NECTIN1: variants seen among roughly 807,000 people sequenced by gnomAD.
The protein encoded by NECTIN1 is nectin cell adhesion molecule 1.
NECTIN1 carries 23 observed loss-of-function variants against 48.0 expected under a neutral mutation model. The ratio of observed to expected loss-of-function variants is 0.48; its 90% CI spans 0.34 to 0.68. The LOEUF (loss-of-function observed/expected upper bound fraction) is 0.68. NECTIN1 is among the 30% of genes least tolerant of loss of function. The pLI, the probability that NECTIN1 is intolerant of heterozygous loss-of-function variation, is 0.01. For missense variants in NECTIN1, 591 were observed against 709.9 expected, an observed-to-expected ratio of 0.83 and a Z score of 1.90; for synonymous variants, 270 against 288.9, an observed-to-expected ratio of 0.93 and a Z score of 0.66.
At chr11:119,700,775 G>A (rs2135570524) in intron 1 of NECTIN1, among the ~76,000 whole-genome samples, 1 of 152,362 alleles carries the variant, frequency 6.6e-6, no homozygotes, top group East Asian at 1.9e-4. Flanking sequence ...GTTGAGAGGT[G>A]CTTCTTAGAG....
intron 6 of NECTIN1, among the ~76,000 whole-genome samples, chr11:119,639,188 C>T (rs772480638): frequency 3.9e-5 from 6 of 152,014 alleles, no homozygotes; most frequent in South Asian, 2.1e-4. Context: ...TTAGCCAGCA[C>T]GGGAAATAAC....
intron 1 of NECTIN1, among the ~76,000 whole-genome samples, chr11:119,698,596 C>T (rs1565396405): frequency 1.3e-5 from 2 of 152,164 alleles, no homozygotes. Flanking sequence ...AGAGGGAGTT[C>T]GCATGGTGGA....
At chr11:119,698,450 C>G (rs1204414556) in intron 1 of NECTIN1, among the ~76,000 whole-genome samples, 1 of 152,264 alleles carries the variant, frequency 6.6e-6, no homozygotes, top group Non-Finnish European at 1.5e-5. Context: ...GAAGTTCTTC[C>G]TGATATCTAC....
At chr11:119,645,348 A>G (rs770784509) in intron 5 of NECTIN1, among the ~76,000 whole-genome samples, 6 of 152,162 alleles carry the variant, frequency 3.9e-5, no homozygotes, top group Admixed American at 6.5e-5. Context: ...GGTCTGGGGC[A>G]GACTCCAGCG....
At chr11:119,652,265 T>A (rs1012794099) in intron 5 of NECTIN1, among the ~76,000 whole-genome samples, 4 of 152,176 alleles carry the variant, frequency 2.6e-5, no homozygotes, top group African/African-American at 7.2e-5. Context: ...CGAGGCCTCA[T>A]GCCAATCACT....
chr11:119,705,741 G>A (rs987262349), intron 1 of NECTIN1, among the ~76,000 whole-genome samples: 11 of 152,346 alleles, frequency 7.2e-5, no homozygotes, highest in Non-Finnish European at 1.0e-4. Context: ...AGGAGGGAGC[G>A]CAGGCCGGGA....
Position 119,663,394 on chromosome 11 carries a change from A to C in NECTIN1, c.*1353T>G, listed in dbSNP as rs1429501375. 3.3e-5 allele frequency: 33 copies of C among 985,366 alleles called. No individual in the cohort carries two copies. Among genetic ancestry groups the C allele is most frequent in the Non-Finnish European group, 3.6e-5 (30 of 829,960 alleles). 61.0% of individuals were successfully genotyped at this position (985,366 alleles called of 1,614,324 possible). On this transcript the variant is annotated 3_prime_UTR_variant, in exon 6 of 6. Transcript: ENST00000264025. Reference sequence around the variant, plus strand: ...ACTCAATGTCCCATTCAAGAAGGGAATCTGCACTGAAAGGGAGGGCTTCTC... The same window carrying C: ...ACTCAATGTCCCATTCAAGAAGGGACTCTGCACTGAAAGGGAGGGCTTCTC...
chr11:119,645,819 G>T (rs1052868096), intron 5 of NECTIN1, among the ~76,000 whole-genome samples: 1 of 152,160 alleles, frequency 6.6e-6, no homozygotes. Context: ...CATACAGGAG[G>T]GAACTCTTTC....
intron 1 of NECTIN1, among the ~76,000 whole-genome samples, chr11:119,719,320 G>C (rs1377404887): frequency 6.6e-6 from 1 of 152,172 alleles, no homozygotes; most frequent in Non-Finnish European, 1.5e-5. Flanking sequence ...AGTCTTGTGA[G>C]GACTCCAGGC....
intron 1 of NECTIN1, among the ~76,000 whole-genome samples, chr11:119,698,436 T>G (rs1341683375): frequency 2.0e-5 from 3 of 152,262 alleles, no homozygotes; most frequent in African/African-American, 4.8e-5. Context: ...CCCTGAGTAG[T>G]GGAGAAGTTC....
intron 5 of NECTIN1, among the ~76,000 whole-genome samples, chr11:119,647,180 T>C (rs915604307): frequency 0.01 from 1,146 of 112,332 alleles, 27 homozygotes; most frequent in African/African-American, 0.032. Context: ...TGTGTGTGTG[T>C]GTGTGTGTGT....
chr11:119,689,305 C>T (rs1865212586), intron 1 of NECTIN1, among the ~76,000 whole-genome samples: 1 of 152,214 alleles, frequency 6.6e-6, no homozygotes, highest in African/African-American at 2.4e-5. Context: ...GTGGTTCCAG[C>T]CTCGCAGCCT....
intron 1 of NECTIN1, among the ~76,000 whole-genome samples, chr11:119,695,205 CG>C (rs1565395166): frequency 6.6e-6 from 1 of 152,058 alleles, no homozygotes; most frequent in African/African-American, 2.4e-5. Context: ...CACAAGTCCC[CG>C]GTCGCTCTCC....
chr11:119,718,198 T>G (rs181822981), intron 1 of NECTIN1, among the ~76,000 whole-genome samples: 2 of 152,194 alleles, frequency 1.3e-5, no homozygotes, highest in Non-Finnish European at 2.9e-5. Flanking sequence ...GCACAGGGAC[T>G]GTCTGAAGTC....
intron 1 of NECTIN1, among the ~76,000 whole-genome samples, chr11:119,679,576 C>G (rs1865024217): frequency 6.6e-6 from 1 of 152,218 alleles, no homozygotes; most frequent in Admixed American, 6.5e-5. Context: ...CCACATCTCT[C>G]CATCAGCCAC....
intron 4 of NECTIN1, among the ~76,000 whole-genome samples, chr11:119,676,548 G>A (rs1028412432): frequency 2.0e-5 from 3 of 152,186 alleles, no homozygotes; most frequent in African/African-American, 4.8e-5. Flanking sequence ...TGTCAGAGCC[G>A]GCTGGAGGGG....
At chr11:119,671,913 C>T (rs1235567895) in intron 5 of NECTIN1, among the ~76,000 whole-genome samples, 17 of 152,230 alleles carry the variant, frequency 1.1e-4, no homozygotes, top group Non-Finnish European at 2.9e-5. Context: ...GGCACAGCCA[C>T]GGGCTCCCAC....
chr11:119,672,998 A>C lies in NECTIN1; in HGVS notation c.1003+2161T>G, dbSNP rs369224932. Among the ~76,000 whole-genome samples, 1 of 152,346 alleles carries C rather than the reference A, an allele frequency of 6.6e-6. No homozygotes were observed. Among genetic ancestry groups the C allele is most frequent in the East Asian group, 1.9e-4 (1 of 5,174 alleles). On this transcript the variant is annotated intron_variant, in intron 5 of 5. Coordinates refer to ENST00000264025, the MANE Select transcript of NECTIN1 (RefSeq NM_002855.5). This position sits in a 1 kb window ranked among gnomAD's most constrained non-coding sequence, Gnocchi z 4.3. ...CTCATTTCCCTTTCCAGATGTGCCC[A>C]GGGTAAAGTTATTACCCGAACGAAT... is the stretch of plus-strand genomic sequence containing the variant.
chr11:119,711,099 C>T (rs548731414), intron 1 of NECTIN1, among the ~76,000 whole-genome samples: 607 of 11,472 alleles, frequency 0.053, 3 homozygotes, highest in Non-Finnish European at 0.088. Context: ...GAAAGGGGCA[C>T]GGGAGGCTGG....
Sources: allele counts gnomAD v4.1 joint callset (sites outside exome capture counted in the v4.1 genomes callset), GRCh38; gene constraint gnomAD v4.1.1; non-coding constraint Gnocchi (gnomAD v3.1); transcripts MANE v1.5; gene names NCBI Gene and HGNC (gene_info 2026-07-23, HGNC 2026-07-21).